The following KANK1 variants were observed in gnomAD, a reference collection of about 807,000 sequenced individuals.
KANK1 encodes the protein KN motif and ankyrin repeat domain-containing protein 1.
Under a neutral mutation model 106.2 loss-of-function variants are expected in KANK1, and 109 were observed. That is an observed-to-expected ratio of 1.03 (90% CI 0.88 to 1.20). The LOEUF is 1.20. Among genes scored for constraint, KANK1 ranks in the 50% most tolerant of loss-of-function variants. The probability of loss-of-function intolerance (pLI) is 0.00; values close to 1 mark genes in which losing one functional copy is unlikely to be tolerated. For missense variants in KANK1, 2,399 were observed against 1,710.7 expected, an observed-to-expected ratio of 1.40 and a Z score of -7.10; for synonymous variants, 873 against 652.2, an observed-to-expected ratio of 1.34 and a Z score of -5.16.
At chr9:559,448 G>T (rs2134334946) in intron 1 of KANK1, among the ~76,000 whole-genome samples, 1 of 152,174 alleles carries the variant, frequency 6.6e-6, no homozygotes, top group South Asian at 2.1e-4. Context: ...GCTGAGGGTG[G>T]TGACTGAATA....
intron 3 of KANK1, among the ~76,000 whole-genome samples, chr9:474,179 G>A (rs112962263): frequency 1.4e-4 from 22 of 152,318 alleles, no homozygotes; most frequent in African/African-American, 5.1e-4. Flanking sequence ...CTATCTGTCT[G>A]CCCATGGTGA....
chr9:632,842 A>C (rs1836083324), intron 1 of KANK1, among the ~76,000 whole-genome samples: 1 of 151,900 alleles, frequency 6.6e-6, no homozygotes, highest in South Asian at 2.1e-4. Flanking sequence ...GGCATGCGCC[A>C]CCGCACCCGG....
chr9:737,967 A>T (rs536212938), intron 7 of KANK1, among the ~76,000 whole-genome samples: 25 of 152,356 alleles, frequency 1.6e-4, no homozygotes, highest in Non-Finnish European at 2.2e-4. Context: ...ACGGAAGCAG[A>T]ATAACTTCCC....
At chr9:579,523 C>G (rs989973202) in intron 1 of KANK1, among the ~76,000 whole-genome samples, 5 of 152,298 alleles carry the variant, frequency 3.3e-5, no homozygotes, top group East Asian at 3.9e-4. Context: ...ATGCAACACA[C>G]AGATCCAGCT....
intron 1 of KANK1, among the ~76,000 whole-genome samples, chr9:552,902 T>C (rs923227024): frequency 1.1e-4 from 17 of 152,192 alleles, no homozygotes; most frequent in Non-Finnish European, 2.1e-4. Flanking sequence ...CCTAGGACTT[T>C]GGGAAGCCAA....
intron 1 of KANK1, among the ~76,000 whole-genome samples, chr9:626,923 A>G (rs1280638000): frequency 6.6e-6 from 1 of 152,174 alleles, no homozygotes; most frequent in East Asian, 1.9e-4. Context: ...GGTGTTTTAC[A>G]CTGGTGTACA....
chr9:686,026 G>T (rs1818471486), intron 2 of KANK1, among the ~76,000 whole-genome samples: 1 of 152,150 alleles, frequency 6.6e-6, no homozygotes, highest in Non-Finnish European at 1.5e-5. Flanking sequence ...AAGAAAGGGG[G>T]AAGAATATTC....
intron 1 of KANK1, among the ~76,000 whole-genome samples, chr9:511,258 G>A (rs566437180): frequency 9.8e-5 from 15 of 152,330 alleles, no homozygotes; most frequent in African/African-American, 3.6e-4. Context: ...AAAGGTGGCA[G>A]TGCTTGACAC....
In KANK1 at chr9:712,656, T is replaced by C. The variant is rs781014181; in HGVS notation, c.1890T>C (p.Cys630=). 1.9e-6 allele frequency: 3 copies of C among 1,613,994 alleles called. No individual in the cohort carries two copies. In the East Asian group the frequency reaches 6.7e-5, roughly 36 times the overall value. Reference sequence around the variant, plus strand: ...TCAAAGAAGTGCGGTCTATCGGTTGTGGAGATTGTTCTGTTGACGTGACCG... The same window carrying C: ...TCAAAGAAGTGCGGTCTATCGGTTGCGGAGATTGTTCTGTTGACGTGACCG... ...LNLKEVRSIG[C]GDCSVDVTVC... The change falls in exon 3 of 12, where the codon TGT becomes TGC. Residue 630 remains cysteine, a synonymous_variant. Transcript: ENST00000382297.
At position 519,249 on chromosome 9, in the gene KANK1, C is replaced by T. The variant is rs536980051; in HGVS notation, c.-84+14495C>T. On this transcript the variant is annotated intron_variant, in intron 1 of 11. Coordinates refer to ENST00000382297, the MANE Select transcript of KANK1 (RefSeq NM_015158.5). Reference sequence around the variant, plus strand: ...TCTTTTCCCCCAAAGCCCGCTCTCACGACAGCCTCTGGATATCAAGATCTG... The same window carrying T: ...TCTTTTCCCCCAAAGCCCGCTCTCATGACAGCCTCTGGATATCAAGATCTG... 7.2e-5 allele frequency among the ~76,000 whole-genome samples: 11 copies of T among 151,848 alleles called. 1 individual carries two copies. Among genetic ancestry groups the T allele is most frequent in the African/African-American group, 2.2e-4 (9 of 41,142 alleles).
At chr9:693,292 C>G (rs962942115) in intron 2 of KANK1, 1 of 725,608 alleles carries the variant, frequency 1.4e-6, no homozygotes, top group Non-Finnish European at 1.7e-6. Flanking sequence ...ATTTCCTTCA[C>G]AAGCCAGCTG....
intron 1 of KANK1, among the ~76,000 whole-genome samples, chr9:628,729 G>T (rs1376535384): frequency 6.6e-6 from 1 of 152,056 alleles, no homozygotes; most frequent in Non-Finnish European, 1.5e-5. Flanking sequence ...TGCATGGCGG[G>T]TTTCTTTGTG....
At chr9:675,647 G>C (rs1051504881) in intron 1 of KANK1, among the ~76,000 whole-genome samples, 2 of 152,008 alleles carry the variant, frequency 1.3e-5, no homozygotes, top group African/African-American at 2.4e-5. Context: ...TCAGAACTAT[G>C]TGCCATGCTC....
intron 1 of KANK1, among the ~76,000 whole-genome samples, chr9:555,919 A>G (rs2061557146): frequency 6.6e-6 from 1 of 152,230 alleles, no homozygotes; most frequent in Non-Finnish European, 1.5e-5. Flanking sequence ...ATGTTATAAT[A>G]ACATCATTAA....
At chr9:551,307 A>G (rs1181194819) in intron 1 of KANK1, among the ~76,000 whole-genome samples, 1 of 151,834 alleles carries the variant, frequency 6.6e-6, no homozygotes, top group African/African-American at 2.4e-5. Context: ...GCTGTTACCC[A>G]TGATGGTGTT....
At chr9:503,968 C>G (rs574004756), upstream of KANK1, among the ~76,000 whole-genome samples, 1 of 152,300 alleles carries the variant, frequency 6.6e-6, no homozygotes, top group South Asian at 2.1e-4. Context: ...AGGACTCTGT[C>G]CTGCAGCCGA....
At chr9:687,227 C>A (rs1818787527) in intron 2 of KANK1, among the ~76,000 whole-genome samples, 1 of 152,020 alleles carries the variant, frequency 6.6e-6, no homozygotes, top group Admixed American at 6.6e-5. Context: ...ATGGACCAGC[C>A]CCGAGGCTGC....
intron 3 of KANK1, among the ~76,000 whole-genome samples, chr9:728,737 C>G (rs965893753): frequency 1.3e-5 from 2 of 152,148 alleles, no homozygotes; most frequent in African/African-American, 2.4e-5. Context: ...TAATAAGAAC[C>G]TTGGTCTTCA....
intron 1 of KANK1, among the ~76,000 whole-genome samples, chr9:520,524 A>T (rs562680622): frequency 1.3e-5 from 2 of 151,682 alleles, no homozygotes; most frequent in Non-Finnish European, 2.9e-5. Flanking sequence ...TCACGTGACA[A>T]TGGGGGATAT....
Sources: gnomAD v4.1 joint callset for allele counts (sites outside exome capture counted in the v4.1 genomes callset) on GRCh38, gnomAD v4.1.1 for gene constraint, MANE v1.5 for transcripts, NCBI Gene and HGNC (gene_info 2026-07-23, HGNC 2026-07-21) for gene names.